The following DNM3 variants were observed in gnomAD, a reference collection of about 807,000 sequenced individuals.
DNM3 encodes the protein dynamin 3, also known as dynamin-3.
A neutral mutation model predicts 101.6 loss-of-function variants in DNM3; 47 were observed. The ratio of observed to expected loss-of-function variants is 0.46; its 90% CI spans 0.37 to 0.59. The LOEUF is 0.59. Among genes scored for constraint, DNM3 ranks in the 20% least tolerant of loss-of-function variants. The probability of loss-of-function intolerance (pLI) is 0.00; values close to 1 mark genes in which losing one functional copy is unlikely to be tolerated. For missense variants in DNM3, 849 were observed against 1,085.7 expected, an observed-to-expected ratio of 0.78 and a Z score of 3.06; for synonymous variants, 385 against 387.9, an observed-to-expected ratio of 0.99 and a Z score of 0.09.
chr1:171,966,725 A>G (rs1428463977), intron 2 of DNM3, among the ~76,000 whole-genome samples: 1 of 152,218 alleles, frequency 6.6e-6, no homozygotes. Flanking sequence ...ACCATGTGTA[A>G]CATACACACT....
At chr1:172,249,524 A>C (rs529259633) in intron 14 of DNM3, among the ~76,000 whole-genome samples, 1 of 152,062 alleles carries the variant, frequency 6.6e-6, no homozygotes, top group East Asian at 1.9e-4. Flanking sequence ...ATCATCCTGG[A>C]TGCCTCCCAT....
intron 13 of DNM3, among the ~76,000 whole-genome samples, chr1:172,109,228 A>G (rs563948080): frequency 6.6e-6 from 1 of 152,318 alleles, no homozygotes; most frequent in South Asian, 2.1e-4. Context: ...TTTTTAGCAT[A>G]TATATTTTAT....
At position 172,359,755 on chromosome 1, in the gene DNM3, A is replaced by C. The variant is rs1265081780; in HGVS notation, c.1894-19263A>C. Among the ~76,000 whole-genome samples the C allele has an allele frequency of 2.0e-5, 3 of 152,160 alleles. No homozygotes were observed. In the South Asian group the frequency reaches 6.2e-4, roughly 32 times the overall value. On this transcript the variant is annotated intron_variant, in intron 17 of 20. Coordinates refer to ENST00000627582, the MANE Select transcript of DNM3 (RefSeq NM_015569.5). ...TATCTGCACGTTTCTTATGACTGGG[A>C]AGGACTATTTTCACAGTCTTTCATG...
At chr1:171,993,011 C>T (rs945154440) in intron 4 of DNM3, among the ~76,000 whole-genome samples, 1 of 151,962 alleles carries the variant, frequency 6.6e-6, no homozygotes, top group Non-Finnish European at 1.5e-5. Context: ...CCCTCCCCTT[C>T]CTATGTGCTA....
Position 172,412,433 on chromosome 1 carries a change from C to CTT in DNM3, c.*4594_*4595dup, listed in dbSNP as rs1253176835. ...TGTTTTGCTTGCTTGTCTATTTTTA[C>CTT]TTTCCCTTTTTTGGGTCAAATTTTT... On this transcript the variant is annotated 3_prime_UTR_variant, in exon 21 of 21. Transcript: ENST00000627582. 3 of 985,594 alleles carry CTT rather than the reference C, an allele frequency of 3.0e-6. No homozygotes were observed. Among genetic ancestry groups the CTT allele is most frequent in the Admixed American group, 6.2e-5 (1 of 16,252 alleles). 61.1% of individuals were successfully genotyped at this position (985,594 alleles called of 1,614,324 possible).
At chr1:172,015,108 G>A (rs1241027534) in intron 4 of DNM3, among the ~76,000 whole-genome samples, 1 of 151,960 alleles carries the variant, frequency 6.6e-6, no homozygotes, top group African/African-American at 2.4e-5. Flanking sequence ...GTCTGTTTCT[G>A]GGCTCTATTT....
At chr1:171,860,086 G>T (rs971353077) in intron 1 of DNM3, among the ~76,000 whole-genome samples, 2 of 152,112 alleles carry the variant, frequency 1.3e-5, no homozygotes, top group African/African-American at 2.4e-5. Context: ...ATTTTAATCA[G>T]GTTAGTTATG....
At chr1:172,164,547 G>GA (rs2058679839) in intron 14 of DNM3, among the ~76,000 whole-genome samples, 1 of 151,982 alleles carries the variant, frequency 6.6e-6, no homozygotes, top group Admixed American at 6.6e-5. Flanking sequence ...CTGAGGTGGT[G>GA]AGGCATAGGT....
chr1:172,302,138 A>G (rs2586417), intron 15 of DNM3, among the ~76,000 whole-genome samples: 14,206 of 151,134 alleles, frequency 0.094, 879 homozygotes, highest in African/African-American at 0.18. Flanking sequence ...GTGACAGACT[A>G]TACCTGGAAA....
At chr1:172,257,755 T>C (rs1025522379) in intron 15 of DNM3, among the ~76,000 whole-genome samples, 1 of 152,072 alleles carries the variant, frequency 6.6e-6, no homozygotes, top group Non-Finnish European at 1.5e-5. Flanking sequence ...ATATACAATA[T>C]ATTGTTGCTA....
intron 14 of DNM3, among the ~76,000 whole-genome samples, chr1:172,251,876 T>C (rs2062183163): frequency 6.6e-6 from 1 of 152,146 alleles, no homozygotes; most frequent in South Asian, 2.1e-4. Flanking sequence ...CATTTGATTA[T>C]GTATTGGATA....
At chr1:171,930,720 G>T (rs1038963646) in intron 2 of DNM3, among the ~76,000 whole-genome samples, 1 of 152,090 alleles carries the variant, frequency 6.6e-6, no homozygotes, top group Non-Finnish European at 1.5e-5. Context: ...CGTTCTCCAC[G>T]GGTCAAGTTG....
At position 172,387,356 on chromosome 1, in the gene DNM3, G is replaced by C. The variant is rs779486284; in HGVS notation, c.2282G>C (p.Arg761Pro). 1 of 1,612,308 alleles carries C rather than the reference G, an allele frequency of 6.2e-7. No homozygotes were observed. The highest frequency in any genetic ancestry group is 1.3e-5 in the African/African-American group (1 of 74,840). The change falls in exon 19 of 21, where the codon CGC (arginine) becomes CCC (proline). Residue 761 changes from arginine (R) to proline (P), a missense_variant. Transcript: ENST00000627582. ...PVDDSWIQHSRRSPPPSPTTQ... is the reference protein window; with the variant it reads ...PVDDSWIQHSPRSPPPSPTTQ... ...GATGACTCCTGGATACAGCACTCTC[G>C]CAGGTAAGAAGATGGCCCCGGCCGG...
At chr1:172,137,351 T>A (rs1345557702) in intron 14 of DNM3, 1 of 152,224 alleles carries the variant, frequency 6.6e-6, no homozygotes, top group Non-Finnish European at 1.5e-5. Context: ...TCGTGCAATG[T>A]ATCTTGCAGA....
intron 17 of DNM3, among the ~76,000 whole-genome samples, chr1:172,371,479 T>TA (rs2068318885): frequency 6.6e-6 from 1 of 152,082 alleles, no homozygotes; most frequent in African/African-American, 2.4e-5. Context: ...TTACATCATT[T>TA]ATCTCAAATA....
intron 13 of DNM3, 70 bp downstream of exon 13, chr1:172,092,945 AT>A (rs1018635216): frequency 1.3e-5 from 18 of 1,373,350 alleles, no homozygotes; most frequent in African/African-American, 2.9e-5. Flanking sequence ...TTGATTGACT[AT>A]TTTTTTAATG....
chr1:172,072,900 A>AC (rs1382719529), intron 11 of DNM3, among the ~76,000 whole-genome samples: 1 of 152,086 alleles, frequency 6.6e-6, no homozygotes, highest in Non-Finnish European at 1.5e-5. Context: ...AACAACAACA[A>AC]AAAAAAGAGT....
intron 17 of DNM3, among the ~76,000 whole-genome samples, chr1:172,371,238 C>A (rs1481726230): frequency 6.6e-6 from 1 of 151,954 alleles, no homozygotes; most frequent in Non-Finnish European, 1.5e-5. Flanking sequence ...ACTGAAAGGG[C>A]TTCTGAAGAT....
intron 1 of DNM3, among the ~76,000 whole-genome samples, chr1:171,903,347 C>T (rs2038543235): frequency 6.6e-6 from 1 of 151,978 alleles, no homozygotes. Context: ...TAGATCTTTC[C>T]TTTGTACTTG....
Sources: gnomAD v4.1 joint callset for allele counts (sites outside exome capture counted in the v4.1 genomes callset) on GRCh38, gnomAD v4.1.1 for gene constraint, MANE v1.5 for transcripts, NCBI Gene and HGNC (gene_info 2026-07-23, HGNC 2026-07-21) for gene names.